TRPA1: variants seen among roughly 807,000 people sequenced by gnomAD.
TRPA1 encodes ankyrin-like with transmembrane domains 1.
TRPA1 carries 129 observed loss-of-function variants against 131.3 expected under a neutral mutation model. That is an observed-to-expected ratio of 0.98 (90% confidence interval 0.85 to 1.14). The LOEUF (loss-of-function observed/expected upper bound fraction) is 1.14, where lower values mean the gene tolerates loss of function less well. Ranked by LOEUF, TRPA1 falls within the 50% of genes most tolerant of loss-of-function variation. The probability of loss-of-function intolerance (pLI) is 0.00; values close to 1 mark genes in which losing one functional copy is unlikely to be tolerated. For missense variants in TRPA1, 1,304 were observed against 1,354.2 expected, an observed-to-expected ratio of 0.96 and a Z score of 0.58; for synonymous variants, 441 against 451.7, an observed-to-expected ratio of 0.98 and a Z score of 0.30.
intron 7 of TRPA1, 56 bp downstream of exon 7, chr8:72,061,569 A>G: frequency 6.2e-7 from 1 of 1,607,154 alleles, no homozygotes; most frequent in Non-Finnish European, 8.5e-7. Context: ...TGCAATGTCT[A>G]ATTTCACTCA....
At chr8:72,067,205 G>A (rs537208213) in intron 3 of TRPA1, among the ~76,000 whole-genome samples, 113 of 152,254 alleles carry the variant, frequency 7.4e-4, no homozygotes, top group African/African-American at 2.6e-3. Flanking sequence ...GCAGGGGCTG[G>A]GTGTTTACAG....
chr8:72,031,775 G>C (rs893276311), intron 23 of TRPA1, among the ~76,000 whole-genome samples: 1 of 152,144 alleles, frequency 6.6e-6, no homozygotes, highest in Non-Finnish European at 1.5e-5. Context: ...TTTATCAAAT[G>C]CTTATCATGT....
At chr8:72,034,419 C>T in intron 21 of TRPA1, 42 bp from the exon 22 acceptor site, 1 of 1,285,402 alleles carries the variant, frequency 7.8e-7, no homozygotes, top group Non-Finnish European at 1.1e-6. Flanking sequence ...CTTTTATAGT[C>T]AAAGTGTATT....
Position 72,061,850 on chromosome 8 carries a change from T to C in TRPA1, c.808-89A>G, listed in dbSNP as rs1408756269. 15 of 1,391,040 alleles carry C rather than the reference T, an allele frequency of 1.1e-5. No individual in the cohort carries two copies. In the African/African-American group the frequency reaches 2.1e-4, roughly 20 times the overall value. The allele number at this position is 1,391,040 out of a possible 1,614,324, so 86.2% of individuals were successfully genotyped here. A position where few individuals can be genotyped will look rare whatever the true frequency, so the allele number is the denominator to read the frequency against. ...CAGCTGTGAGCTTTTTCTTCCCAGG[T>C]TCATAAAATCAAGGAATATCTATCA... is the stretch of plus-strand genomic sequence containing the variant. On this transcript the variant is annotated intron_variant, in intron 6 of 26. Transcript: ENST00000262209.
chr8:72,038,220 T>G (rs1812122315), intron 19 of TRPA1, 148 bp from the exon 20 acceptor site: 1 of 551,922 alleles, frequency 1.8e-6, no homozygotes, highest in East Asian at 3.0e-5. Flanking sequence ...AAAATTTAAC[T>G]GACACCAATA....
intron 24 of TRPA1, among the ~76,000 whole-genome samples, chr8:72,029,235 C>T (rs982815878): frequency 3.9e-5 from 6 of 152,220 alleles, no homozygotes; most frequent in East Asian, 1.9e-4. Flanking sequence ...CCTGTGATTC[C>T]CTGCACAAAA....
chr8:72,054,224 T>A (rs973500721), intron 12 of TRPA1: 10 of 281,000 alleles, frequency 3.6e-5, no homozygotes, highest in South Asian at 1.5e-4. Context: ...AAATCTTGTT[T>A]TATTCTTTCA....
chr8:72,032,430 C>T (rs1220886501), intron 23 of TRPA1, among the ~76,000 whole-genome samples: 2 of 152,110 alleles, frequency 1.3e-5, no homozygotes, highest in Non-Finnish European at 2.9e-5. Context: ...TGAGGAAAAA[C>T]GTGGGAGAGT....
chr8:72,084,553 AT>A, the TRPA1 span, among the ~76,000 whole-genome samples: 3 of 149,524 alleles, frequency 2.0e-5, no homozygotes, highest in South Asian at 6.3e-4. Flanking sequence ...ATGTGAAATT[AT>A]TTGAGAATTG....
chr8:72,080,823 T>C, the TRPA1 span, among the ~76,000 whole-genome samples: 1 of 151,816 alleles, frequency 6.6e-6, no homozygotes, highest in Non-Finnish European at 1.5e-5. Context: ...ATGTGTTTGT[T>C]GGCACAAAGT....
At chr8:72,062,998 A>T (rs1369888266) in intron 5 of TRPA1, 54 bp from the exon 6 acceptor site, 1 of 1,519,484 alleles carries the variant, frequency 6.6e-7, no homozygotes, top group East Asian at 2.5e-5. Context: ...AATAATAGGG[A>T]GGTTTTTTGT....
At chr8:72,061,951 A>C (rs919208345) in intron 6 of TRPA1, among the ~76,000 whole-genome samples, 190 bp from the exon 7 acceptor site, 6 of 152,222 alleles carry the variant, frequency 3.9e-5, no homozygotes, top group Non-Finnish European at 8.8e-5. Flanking sequence ...AAGCATCCAC[A>C]AACAAATTGT....
chr8:72,034,120 T>TA, intron 22 of TRPA1, 128 bp downstream of exon 22: 2 of 1,097,774 alleles, frequency 1.8e-6, no homozygotes, highest in East Asian at 5.3e-5. Flanking sequence ...ATATAGGAGA[T>TA]AAAAACTAAA....
At chr8:72,064,271 AT>A (rs551042434) in intron 4 of TRPA1, among the ~76,000 whole-genome samples, 176 of 150,170 alleles carry the variant, frequency 1.2e-3, no homozygotes, top group African/African-American at 3.7e-3. Context: ...TATAATATAT[AT>A]ATATATGTAG....
Position 72,046,529 on chromosome 8 carries a change from G to A in TRPA1, c.2045C>T (p.Pro682Leu), listed in dbSNP as rs201119954. The A allele has an allele frequency of 1.3e-5, 20 of 1,586,436 alleles. No individual in the cohort carries two copies. The highest frequency in any genetic ancestry group is 1.7e-4 in the Middle Eastern group (1 of 5,984). ...TGAACTTACGTTGAGGGCTGTAAGC[G>A]GTTCATATATAACATCCTGTGTAGG... ...KTPTQDVIYE[P>L]LTALNAMVQN... Residue 682 changes from proline (P) to leucine (L), a missense_variant, in exon 17 of 27, where the codon CCG becomes CTG. Physicochemically the swap from Pro to Leu is moderately conservative, Grantham distance 98. Transcript: ENST00000262209.
At chr8:72,052,872 T>G (rs1585871061) in intron 13 of TRPA1, 107 bp from the exon 14 acceptor site, 1 of 1,275,100 alleles carries the variant, frequency 7.8e-7, no homozygotes, top group Admixed American at 1.8e-5. Flanking sequence ...AATACCAAAA[T>G]ACATAGCACT....
chr8:72,086,489 G>T, the TRPA1 span, among the ~76,000 whole-genome samples: 1 of 152,122 alleles, frequency 6.6e-6, no homozygotes, highest in Non-Finnish European at 1.5e-5. Flanking sequence ...TACTGAAATT[G>T]TCCTTATTTT....
At chr8:72,075,919 TG>T (rs1806174665), upstream of TRPA1, among the ~76,000 whole-genome samples, 7 of 115,686 alleles carry the variant, frequency 6.1e-5, no homozygotes, top group Admixed American at 4.2e-4. Context: ...GGGTGGAGGG[TG>T]GGGGGTGTAA....
At chr8:72,039,125 C>A in intron 18 of TRPA1, 98 bp from the exon 19 acceptor site, 1 of 1,211,398 alleles carries the variant, frequency 8.3e-7, no homozygotes, top group Non-Finnish European at 1.2e-6. Flanking sequence ...TTTCAGAAAC[C>A]TTGTTGGTAA....
Sources: gnomAD v4.1 joint callset for allele counts (sites outside exome capture counted in the v4.1 genomes callset) on GRCh38, gnomAD v4.1.1 for gene constraint, MANE v1.5 for transcripts, NCBI Gene and HGNC (gene_info 2026-07-23, HGNC 2026-07-21) for gene names.